ADGRL2: variants seen among roughly 807,000 people sequenced by gnomAD.
ADGRL2 encodes the protein adhesion G protein-coupled receptor L2, also known as calcium-independent alpha-latrotoxin receptor 2.
In ADGRL2, 44 loss-of-function variants were observed where a neutral mutation model predicts 157.4. That is an observed-to-expected ratio of 0.28 (90% CI 0.22 to 0.36). ADGRL2 has a LOEUF of 0.36. Among genes scored for constraint, ADGRL2 ranks in the 10% least tolerant of loss-of-function variants. ADGRL2 has a pLI of 1.00. For synonymous variants in ADGRL2, 585 were observed against 624.7 expected, an observed-to-expected ratio of 0.94 and a Z score of 0.95; for missense variants, 1,510 against 1,768.9, an observed-to-expected ratio of 0.85 and a Z score of 2.63.
intron 1 of ADGRL2, among the ~76,000 whole-genome samples, chr1:81,728,724 C>A (rs1488815334): frequency 6.6e-6 from 1 of 152,136 alleles, no homozygotes; most frequent in Non-Finnish European, 1.5e-5. Flanking sequence ...TTGCTCTTGC[C>A]CCCACTCAAT....
intron 2 of ADGRL2, among the ~76,000 whole-genome samples, chr1:81,459,833 C>CATATATAT: frequency 8.3e-6 from 1 of 120,638 alleles, no homozygotes; most frequent in East Asian, 2.1e-4. Flanking sequence ...TATATATATA[C>CATATATAT]ACACACACAC....
chr1:81,845,259 A>T (rs758764792), intron 2 of ADGRL2, among the ~76,000 whole-genome samples: 7 of 152,094 alleles, frequency 4.6e-5, no homozygotes, highest in Non-Finnish European at 8.8e-5. Flanking sequence ...CTCCTTTTCT[A>T]CTTGCCAGCC....
chr1:81,884,463 A>G (rs534871470), intron 2 of ADGRL2, among the ~76,000 whole-genome samples: 2 of 152,294 alleles, frequency 1.3e-5, no homozygotes, highest in Admixed American at 1.3e-4. Context: ...AAATTGGACA[A>G]TTTCCTGCCT....
intron 3 of ADGRL2, among the ~76,000 whole-genome samples, chr1:81,689,949 T>G (rs937644029): frequency 2.6e-5 from 4 of 152,198 alleles, no homozygotes; most frequent in Non-Finnish European, 5.9e-5. Context: ...TCTCCCAATC[T>G]GGAACTCAGA....
intron 1 of ADGRL2, among the ~76,000 whole-genome samples, chr1:81,835,192 C>G (rs970817379): frequency 6.6e-6 from 1 of 152,150 alleles, no homozygotes; most frequent in Non-Finnish European, 1.5e-5. Context: ...CTAGCTCATT[C>G]AAATCAAACA....
chr1:81,576,692 T>C (rs950081754), intron 2 of ADGRL2, among the ~76,000 whole-genome samples: 77 of 152,064 alleles, frequency 5.1e-4, no homozygotes, highest in African/African-American at 1.7e-3. Flanking sequence ...GCTTGCAACA[T>C]TGGCAACCAG....
At position 81,993,083 on chromosome 1, in the gene ADGRL2, A is replaced by ATTTTTTTTTTTT. The variant is rs1664877299; in HGVS notation, c.*1939_*1940insTTTTTTTTTTTT. Among the ~76,000 whole-genome samples, 1 of 31,086 alleles carries ATTTTTTTTTTTT rather than the reference A, an allele frequency of 3.2e-5. No individual in the cohort carries two copies. The highest frequency in any genetic ancestry group is 1.6e-4 in the African/African-American group (1 of 6,264). The allele number at this position is 31,086 out of a possible 152,430, so 20.4% of individuals were successfully genotyped here. On this transcript the variant is annotated 3_prime_UTR_variant, in exon 24 of 24. Transcript: ENST00000686636. Reference sequence around the variant, plus strand: ...CATATATATATATATATATATATATATATATTTTTTTTTTTTTTTTTTTTT... The same window carrying ATTTTTTTTTTTT: ...CATATATATATATATATATATATATATTTTTTTTTTTTTATATTTTTTTTTTTTTTTTTTTTT...
chr1:81,323,999 CAGG>C (rs1660710699), intron 1 of ADGRL2, among the ~76,000 whole-genome samples: 2 of 152,146 alleles, frequency 1.3e-5, no homozygotes, highest in Non-Finnish European at 2.9e-5. Context: ...TTGAAAGTGC[CAGG>C]AGAAGCTCCC....
chr1:81,738,987 C>T (rs2084988126), intron 1 of ADGRL2, among the ~76,000 whole-genome samples: 1 of 152,190 alleles, frequency 6.6e-6, no homozygotes, highest in Non-Finnish European at 1.5e-5. Context: ...GGACCAGTGG[C>T]CTAGTGCCCT....
chr1:81,557,484 A>AAGAAAGAG (rs1491088924), intron 2 of ADGRL2: 1 of 83,528 alleles, frequency 1.2e-5, no homozygotes, highest in African/African-American at 7.3e-5. Context: ...GAAAGAAAGA[A>AAGAAAGAG]GAAAGAAAGA....
intron 2 of ADGRL2, among the ~76,000 whole-genome samples, chr1:81,580,291 A>C (rs2080881000): frequency 6.6e-6 from 1 of 151,988 alleles, no homozygotes; most frequent in African/African-American, 2.4e-5. Context: ...CACTAACCCC[A>C]AGGAGGTATG....
At chr1:81,825,661 A>G in intron 1 of ADGRL2, among the ~76,000 whole-genome samples, 1 of 147,236 alleles carries the variant, frequency 6.8e-6, no homozygotes, top group Non-Finnish European at 1.5e-5. Context: ...TGTCTCCAAA[A>G]AAAAAAAAAA....
chr1:81,549,559 A>G (rs1338825664), intron 2 of ADGRL2, among the ~76,000 whole-genome samples: 1 of 152,184 alleles, frequency 6.6e-6, no homozygotes, highest in Non-Finnish European at 1.5e-5. Context: ...ATATTCTTCA[A>G]TACTCTCATT....
chr1:81,670,055 G>A (rs540576780), intron 3 of ADGRL2, among the ~76,000 whole-genome samples: 45 of 152,012 alleles, frequency 3.0e-4, no homozygotes, highest in African/African-American at 1.0e-3. Flanking sequence ...GACACAGTGT[G>A]TAAGGAAAGT....
chr1:81,344,684 A>AG, intron 1 of ADGRL2, among the ~76,000 whole-genome samples: 1 of 142,700 alleles, frequency 7.0e-6, no homozygotes, highest in South Asian at 2.2e-4. Context: ...AAAAAAAAAA[A>AG]AAAAAAGCAG....
chr1:81,406,816 G>A (rs895386565), intron 1 of ADGRL2, among the ~76,000 whole-genome samples: 2 of 152,156 alleles, frequency 1.3e-5, no homozygotes, highest in Admixed American at 6.5e-5. Flanking sequence ...GGACTCTGGA[G>A]GTTAAAACCA....
At chr1:81,911,123 C>T (rs916550372) in intron 3 of ADGRL2, among the ~76,000 whole-genome samples, 1 of 152,048 alleles carries the variant, frequency 6.6e-6, no homozygotes, top group Non-Finnish European at 1.5e-5. Flanking sequence ...TGTATTCACT[C>T]TCCATTTTCT....
At chr1:81,542,488 T>C (rs77579408) in intron 2 of ADGRL2, among the ~76,000 whole-genome samples, 3,990 of 152,336 alleles carry the variant, frequency 0.026, 81 homozygotes, top group Non-Finnish European at 0.035. Flanking sequence ...ACAGCCAATG[T>C]GCATTACTTC....
intron 4 of ADGRL2, among the ~76,000 whole-genome samples, chr1:81,940,107 A>T (rs1169771558): frequency 6.6e-6 from 1 of 151,504 alleles, no homozygotes; most frequent in African/African-American, 2.4e-5. Context: ...AAATTCAGCC[A>T]TTTTCAATGA....
Sources: allele counts gnomAD v4.1 joint callset (sites outside exome capture counted in the v4.1 genomes callset), GRCh38; gene constraint gnomAD v4.1.1; transcripts MANE v1.5; gene names NCBI Gene and HGNC (gene_info 2026-07-23, HGNC 2026-07-21).